The following FAM184A variants were observed in gnomAD, a reference collection of about 807,000 sequenced individuals.
FAM184A encodes the protein family with sequence similarity 184 member A.
Under a neutral mutation model 143.8 loss-of-function variants are expected in FAM184A, and 99 were observed. That is an observed-to-expected ratio of 0.69 (90% CI 0.58 to 0.81). The LOEUF is 0.81. Ranked by LOEUF, FAM184A falls within the 40% of genes least tolerant of loss-of-function variation. FAM184A has a pLI of 0.00. For synonymous variants in FAM184A, 427 were observed against 446.4 expected, an observed-to-expected ratio of 0.96 and a Z score of 0.55; for missense variants, 1,217 against 1,310.5, an observed-to-expected ratio of 0.93 and a Z score of 1.10.
chr6:119,049,549 T>C (rs1182345259), intron 1 of FAM184A, among the ~76,000 whole-genome samples: 1 of 152,186 alleles, frequency 6.6e-6, no homozygotes, highest in Non-Finnish European at 1.5e-5. Context: ...GACCATCTAA[T>C]CTTTGACAAA....
chr6:119,100,007 G>A (rs939183499), intron 1 of FAM184A, among the ~76,000 whole-genome samples: 1 of 152,130 alleles, frequency 6.6e-6, no homozygotes, highest in African/African-American at 2.4e-5. Context: ...GAAGTCTTGG[G>A]GACTGAGCCC....
chr6:119,117,201 A>C lies in FAM184A; in HGVS notation c.-202+31877T>G, dbSNP rs111512228. ...CAAGTCTGTGGATCATTTTGTGTGT[A>C]AGGGTGAGAGAGAGTGAGAAACAAA... On this transcript the variant is annotated intron_variant, in intron 1 of 16. Coordinates refer to the FAM184A transcript ENST00000352896. Among the ~76,000 whole-genome samples the C allele has an allele frequency of 4.9e-3, 748 of 152,274 alleles. 8 individuals carry two copies. Among genetic ancestry groups the C allele is most frequent in the African/African-American group, 0.017 (712 of 41,564 alleles).
upstream of FAM184A, among the ~76,000 whole-genome samples, chr6:119,080,563 A>G (rs1230489890): frequency 6.6e-6 from 1 of 152,262 alleles, no homozygotes; most frequent in Non-Finnish European, 1.5e-5. Context: ...GAAACATAAT[A>G]TACAGGTCGA....
chr6:119,051,970 G>A (rs112591864), intron 1 of FAM184A, among the ~76,000 whole-genome samples: 23 of 152,284 alleles, frequency 1.5e-4, no homozygotes, highest in African/African-American at 5.5e-4. Context: ...GGAGGCCCAG[G>A]TTCCCAGACA....
At chr6:119,029,488 T>C (rs1053149341) in intron 1 of FAM184A, among the ~76,000 whole-genome samples, 5 of 152,134 alleles carry the variant, frequency 3.3e-5, no homozygotes, top group Non-Finnish European at 5.9e-5. Context: ...AGAACCTCCA[T>C]TGCCTTACCT....
At chr6:118,994,411 G>A (rs1479582014) in intron 9 of FAM184A, among the ~76,000 whole-genome samples, 1 of 151,926 alleles carries the variant, frequency 6.6e-6, no homozygotes, top group African/African-American at 2.4e-5. Context: ...GGTTGGCCGG[G>A]TGCGGTGGCT....
intron 1 of FAM184A, among the ~76,000 whole-genome samples, chr6:119,054,381 G>C (rs1786881771): frequency 6.6e-6 from 1 of 152,202 alleles, no homozygotes; most frequent in Non-Finnish European, 1.5e-5. Context: ...GAAAGTCCAA[G>C]ATCATCAGCA....
intron 1 of FAM184A, among the ~76,000 whole-genome samples, chr6:119,071,463 T>A (rs1414989626): frequency 6.6e-6 from 1 of 152,216 alleles, no homozygotes; most frequent in Non-Finnish European, 1.5e-5. Context: ...GACATTTAGC[T>A]GACAGCACAC....
At chr6:118,980,416 AG>A in intron 9 of FAM184A, 66 bp from the exon 10 acceptor site, 1 of 1,224,606 alleles carries the variant, frequency 8.2e-7, no homozygotes, top group Non-Finnish European at 1.2e-6. Flanking sequence ...TACCCAGCAA[AG>A]GGGGAAAAGC....
At chr6:119,011,072 A>C in intron 6 of FAM184A, 1 of 369,754 alleles carries the variant, frequency 2.7e-6, no homozygotes, top group Non-Finnish European at 4.8e-6. Flanking sequence ...ATGTGGTGAT[A>C]TTCTGTTTTG....
intron 14 of FAM184A, among the ~76,000 whole-genome samples, chr6:118,969,787 T>C (rs931517371): frequency 1.4e-5 from 2 of 139,602 alleles, no homozygotes; most frequent in African/African-American, 2.7e-5. Flanking sequence ...CCTCATGCTA[T>C]CCCTCCCCCT....
intron 1 of FAM184A, among the ~76,000 whole-genome samples, chr6:119,097,737 C>T (rs1322826325): frequency 6.6e-6 from 1 of 152,180 alleles, no homozygotes; most frequent in Non-Finnish European, 1.5e-5. Flanking sequence ...GGCCTCAGAA[C>T]TAGACCTTAG....
At chr6:119,028,486 T>A (rs1451269451) in intron 1 of FAM184A, among the ~76,000 whole-genome samples, 1 of 152,096 alleles carries the variant, frequency 6.6e-6, no homozygotes, top group African/African-American at 2.4e-5. Flanking sequence ...GTTGAGTTGA[T>A]CACCAACAAC....
chr6:119,121,239 CTCCCACCT>C (rs888354100), intron 1 of FAM184A, among the ~76,000 whole-genome samples: 19 of 152,300 alleles, frequency 1.2e-4, no homozygotes, highest in Non-Finnish European at 2.1e-4. Context: ...TCAAGAGATC[CTCCCACCT>C]CAGCCTTCCA....
intron 1 of FAM184A, among the ~76,000 whole-genome samples, chr6:119,127,767 T>C (rs1789412471): frequency 6.6e-6 from 1 of 152,108 alleles, no homozygotes; most frequent in Admixed American, 6.5e-5. Flanking sequence ...GAGAGAAAGG[T>C]TGAGAAGGGA....
chr6:119,138,697 G>T (rs1200518047), intron 1 of FAM184A, among the ~76,000 whole-genome samples: 1 of 151,984 alleles, frequency 6.6e-6, no homozygotes, highest in Non-Finnish European at 1.5e-5. Context: ...GGCGATCTTG[G>T]CTCACCGCAA....
chr6:119,057,576 C>T (rs549089822), intron 1 of FAM184A, among the ~76,000 whole-genome samples: 2 of 151,986 alleles, frequency 1.3e-5, no homozygotes, highest in African/African-American at 2.4e-5. Flanking sequence ...CCCAACTGTA[C>T]AAAAAAATTT....
chr6:119,114,727 A>G (rs1225241454), intron 1 of FAM184A, among the ~76,000 whole-genome samples: 2 of 152,234 alleles, frequency 1.3e-5, no homozygotes, highest in Admixed American at 1.3e-4. Flanking sequence ...TTTTATGTAG[A>G]TATGGGGTTT....
chr6:119,122,574 A>T (rs187090472), intron 1 of FAM184A, among the ~76,000 whole-genome samples: 1 of 152,256 alleles, frequency 6.6e-6, no homozygotes, highest in East Asian at 1.9e-4. Flanking sequence ...ATATTTATGA[A>T]AGGAGAAACG....
Sources: allele counts gnomAD v4.1 joint callset (sites outside exome capture counted in the v4.1 genomes callset), GRCh38; gene constraint gnomAD v4.1.1; transcripts MANE v1.5; gene names NCBI Gene and HGNC (gene_info 2026-07-23, HGNC 2026-07-21).